The following SNTG1 variants were observed in gnomAD, a reference collection of about 807,000 sequenced individuals.
SNTG1 encodes the protein syntrophin gamma 1.
In SNTG1, 39 loss-of-function variants were observed where a neutral mutation model predicts 74.7. The observed-to-expected ratio is 0.52, with a 90% confidence interval of 0.40 to 0.68. The LOEUF is 0.68. SNTG1 is among the 30% of genes least tolerant of loss of function. The probability of loss-of-function intolerance (pLI) is 0.00; values close to 1 mark genes in which losing one functional copy is unlikely to be tolerated. For missense variants in SNTG1, 685 were observed against 609.5 expected (o/e 1.12, Z -1.30); for synonymous variants, 254 against 217.1 (o/e 1.17, Z -1.49).
intron 1 of SNTG1, among the ~76,000 whole-genome samples, chr8:49,946,068 A>G (rs531379302): frequency 4.9e-4 from 74 of 152,246 alleles, no homozygotes; most frequent in African/African-American, 1.6e-3. Context: ...TTTTTTGCCA[A>G]TGACCTCTCT....
intron 13 of SNTG1, among the ~76,000 whole-genome samples, chr8:50,598,525 TTTG>T (rs1364949015): frequency 6.6e-6 from 1 of 152,010 alleles, no homozygotes; most frequent in East Asian, 1.9e-4. Context: ...ATGCCTTAAC[TTTG>T]TTCTTTGTGT....
chr8:50,473,063 T>C (rs979738275), intron 8 of SNTG1, among the ~76,000 whole-genome samples: 1 of 152,152 alleles, frequency 6.6e-6, no homozygotes, highest in Non-Finnish European at 1.5e-5. Context: ...TGGTTAGGCT[T>C]TGTGTCCCCA....
At chr8:50,251,882 A>G (rs936423601) in intron 2 of SNTG1, among the ~76,000 whole-genome samples, 3 of 152,140 alleles carry the variant, frequency 2.0e-5, no homozygotes, top group Non-Finnish European at 4.4e-5. Flanking sequence ...TATTTACAGA[A>G]CATTCCATCT....
At chr8:50,707,994 C>T (rs1046929751) in intron 16 of SNTG1, 5 of 346,028 alleles carry the variant, frequency 1.4e-5, no homozygotes, top group South Asian at 3.1e-4. Flanking sequence ...CGAGGTCAGG[C>T]GTTCGAGACC....
chr8:50,533,597 A>G (rs1303285822), intron 10 of SNTG1, among the ~76,000 whole-genome samples: 1 of 152,200 alleles, frequency 6.6e-6, no homozygotes, highest in Non-Finnish European at 1.5e-5. Context: ...TTAGAAAGTA[A>G]ATTTATATTC....
chr8:50,436,564 A>C (rs1222480483), intron 4 of SNTG1, among the ~76,000 whole-genome samples: 1 of 152,128 alleles, frequency 6.6e-6, no homozygotes, highest in Admixed American at 6.5e-5. Context: ...ATTTATAAGC[A>C]TTTTCCAAAT....
At chr8:50,469,896 T>C (rs2093638453) in intron 8 of SNTG1, among the ~76,000 whole-genome samples, 1 of 152,164 alleles carries the variant, frequency 6.6e-6, no homozygotes, top group Non-Finnish European at 1.5e-5. Flanking sequence ...GGAAAATTGC[T>C]TGAACTGGGA....
intron 1 of SNTG1, among the ~76,000 whole-genome samples, chr8:50,128,096 G>A (rs1044606956): frequency 6.6e-6 from 1 of 152,102 alleles, no homozygotes; most frequent in South Asian, 2.1e-4. Context: ...AGTTTCTAAT[G>A]TAGCACTCTA....
chr8:50,709,042 A>G, intron 17 of SNTG1, 64 bp downstream of exon 17: 1 of 1,206,234 alleles, frequency 8.3e-7, no homozygotes, highest in Non-Finnish European at 1.2e-6. Context: ...AATGATTTAA[A>G]TGCCTCATAA....
At chr8:50,530,136 G>T in intron 9 of SNTG1, 41 bp from the exon 10 acceptor site, 1 of 1,532,858 alleles carries the variant, frequency 6.5e-7, no homozygotes, top group Non-Finnish European at 9.0e-7. Context: ...GAAGGTTATG[G>T]CATTCTCACC....
At chr8:50,272,447 C>T (rs1351799558) in intron 2 of SNTG1, among the ~76,000 whole-genome samples, 1 of 152,184 alleles carries the variant, frequency 6.6e-6, no homozygotes, top group African/African-American at 2.4e-5. Flanking sequence ...GTGCACAGAA[C>T]TTTGTGCCAT....
At chr8:50,673,208 G>A (rs914745327) in intron 15 of SNTG1, among the ~76,000 whole-genome samples, 4 of 151,996 alleles carry the variant, frequency 2.6e-5, no homozygotes, top group Non-Finnish European at 5.9e-5. Context: ...TCCTAATTTT[G>A]TGAAGAATGT....
chr8:50,168,973 A>G (rs553590274), intron 1 of SNTG1, among the ~76,000 whole-genome samples: 10 of 152,352 alleles, frequency 6.6e-5, no homozygotes, highest in African/African-American at 9.6e-5. Context: ...TCATTTTATC[A>G]TATGTATATT....
chr8:50,119,651 ATAGC>A lies in SNTG1; in HGVS notation c.-102-52905_-102-52902del, dbSNP rs2080931925. Among the ~76,000 whole-genome samples, 2 of 141,916 alleles carry A rather than the reference ATAGC, an allele frequency of 1.4e-5. 1 individual carries two copies. The highest frequency in any genetic ancestry group is 5.1e-5 in the African/African-American group (2 of 39,318). The allele number at this position is 141,916 out of a possible 152,430, so 93.1% of individuals were successfully genotyped here. On this transcript the variant is annotated intron_variant, in intron 1 of 18. Coordinates refer to ENST00000642720, the MANE Select transcript of SNTG1 (RefSeq NM_018967.5). ...AGATGAGATAATAGGTAAACAGATA[ATAGC>A]TAGCATTGAGCTAGCTAGCTATTAT...
At chr8:50,136,748 C>A (rs768267381) in intron 1 of SNTG1, among the ~76,000 whole-genome samples, 5 of 152,000 alleles carry the variant, frequency 3.3e-5, no homozygotes, top group Non-Finnish European at 7.4e-5. Flanking sequence ...CTATGACTTA[C>A]CTTGTGTAAA....
chr8:50,325,971 T>A (rs1418381949), intron 2 of SNTG1, among the ~76,000 whole-genome samples: 1 of 152,054 alleles, frequency 6.6e-6, no homozygotes, highest in African/African-American at 2.4e-5. Flanking sequence ...CTTTTTTTTG[T>A]GTACACATAG....
At chr8:50,727,857 A>T (rs761153078) in intron 17 of SNTG1, among the ~76,000 whole-genome samples, 2 of 152,212 alleles carry the variant, frequency 1.3e-5, no homozygotes, top group Non-Finnish European at 2.9e-5. Flanking sequence ...GAGTTATTGC[A>T]TGCCAAATAA....
At chr8:50,600,440 G>T (rs1419429229) in intron 13 of SNTG1, among the ~76,000 whole-genome samples, 1 of 152,030 alleles carries the variant, frequency 6.6e-6, no homozygotes, top group Non-Finnish European at 1.5e-5. Flanking sequence ...TCTTTACTGG[G>T]AGACTCATTA....
chr8:49,986,003 A>G (rs1347982029), intron 1 of SNTG1, among the ~76,000 whole-genome samples: 2 of 152,170 alleles, frequency 1.3e-5, no homozygotes, highest in African/African-American at 2.4e-5. Flanking sequence ...GCTTTATAGA[A>G]AAGTGTTAGA....
Sources: allele counts gnomAD v4.1 joint callset (sites outside exome capture counted in the v4.1 genomes callset), GRCh38; gene constraint gnomAD v4.1.1; transcripts MANE v1.5; gene names NCBI Gene and HGNC (gene_info 2026-07-23, HGNC 2026-07-21).